PTGER3: variants seen among roughly 807,000 people sequenced by gnomAD.
PTGER3 encodes prostaglandin E receptor 3.
PTGER3 carries 22 observed loss-of-function variants against 34.7 expected under a neutral mutation model. That is an observed-to-expected ratio of 0.63 (90% CI 0.45 to 0.91). The LOEUF (loss-of-function observed/expected upper bound fraction) is 0.91, where lower values mean the gene tolerates loss of function less well. Ranked by LOEUF, PTGER3 falls within the 40% of genes least tolerant of loss-of-function variation. The pLI, the probability that PTGER3 is intolerant of heterozygous loss-of-function variation, is 0.00. For synonymous variants in PTGER3, 241 were observed against 230.1 expected (o/e 1.05, Z -0.43); for missense variants, 468 against 519.4 (o/e 0.90, Z 0.96).
At chr1:70,875,245 T>G (rs1305577591) in intron 4 of PTGER3, among the ~76,000 whole-genome samples, 1 of 152,192 alleles carries the variant, frequency 6.6e-6, no homozygotes, top group Non-Finnish European at 1.5e-5. Context: ...CTGGTTAAGA[T>G]CTGAAGGGTG....
At chr1:70,857,691 C>A (rs1160244516) in intron 4 of PTGER3, among the ~76,000 whole-genome samples, 2 of 152,010 alleles carry the variant, frequency 1.3e-5, no homozygotes, top group Non-Finnish European at 2.9e-5. Context: ...ACCGCCACCA[C>A]GCCCGGCTAA....
chr1:71,015,225 T>TA (rs1323270605), intron 1 of PTGER3, among the ~76,000 whole-genome samples: 1 of 152,066 alleles, frequency 6.6e-6, no homozygotes, highest in Non-Finnish European at 1.5e-5. Flanking sequence ...GTGTGTGTGA[T>TA]ATAACCACAT....
Position 71,047,690 on chromosome 1 carries a change from C to A in PTGER3, c.-113G>T, listed in dbSNP as rs1252077600. On this transcript the variant is annotated 5_prime_UTR_variant, in exon 1 of 4. Coordinates refer to ENST00000306666, the MANE Select transcript of PTGER3 (RefSeq NM_198719.2). ...TTTACCGCGGCTGGGGCTGGGCTGC[C>A]CCCCATGGTGCGGGGCGCAGCCGCC... 4.7e-6 allele frequency: 6 copies of A among 1,279,518 alleles called. No homozygotes were observed. Among genetic ancestry groups the A allele is most frequent in the Non-Finnish European group, 6.2e-6 (6 of 961,400 alleles). 79.3% of individuals were successfully genotyped at this position (1,279,518 alleles called of 1,614,324 possible).
At chr1:70,931,655 G>A (rs1333394297) in intron 4 of PTGER3, among the ~76,000 whole-genome samples, 1 of 152,192 alleles carries the variant, frequency 6.6e-6, no homozygotes, top group African/African-American at 2.4e-5. Context: ...TGAAACCATG[G>A]GCCAAGCTGT....
intron 4 of PTGER3, among the ~76,000 whole-genome samples, chr1:70,856,642 G>A (rs901020149): frequency 6.6e-6 from 1 of 152,036 alleles, no homozygotes; most frequent in Non-Finnish European, 1.5e-5. Context: ...GTTAGAAGGT[G>A]TTTCAGAATG....
At chr1:70,892,832 C>T (rs1156527804) in intron 4 of PTGER3, among the ~76,000 whole-genome samples, 3 of 128,430 alleles carry the variant, frequency 2.3e-5, no homozygotes, top group Non-Finnish European at 3.1e-5. Context: ...CAGAGCAAGA[C>T]TCCTCAAAAA....
intron 1 of PTGER3, among the ~76,000 whole-genome samples, chr1:71,024,645 CTTTTT>C (rs35271200): frequency 2.6e-5 from 3 of 117,164 alleles, no homozygotes; most frequent in Admixed American, 9.3e-5. Flanking sequence ...CCTTTTCTTT[CTTTTT>C]TTTTTTTTTT....
chr1:71,031,438 G>C (rs1273865540), intron 1 of PTGER3, among the ~76,000 whole-genome samples: 1 of 152,080 alleles, frequency 6.6e-6, no homozygotes, highest in East Asian at 1.9e-4. Flanking sequence ...TTCTGGGTGG[G>C]AGAGAAATCC....
downstream of PTGER3, among the ~76,000 whole-genome samples, chr1:70,966,787 T>C (rs768728842): frequency 7.3e-4 from 111 of 152,292 alleles, 1 homozygote; most frequent in Non-Finnish European, 8.8e-4. Flanking sequence ...TCTCATTCCC[T>C]TTTATGACTG....
intron 4 of PTGER3, among the ~76,000 whole-genome samples, chr1:70,859,686 G>T (rs111531916): frequency 6.6e-6 from 1 of 152,286 alleles, no homozygotes; most frequent in African/African-American, 2.4e-5. Context: ...ATTCTTACAC[G>T]ACTGCCAATT....
chr1:70,882,503 G>C (rs1646411398), intron 4 of PTGER3, among the ~76,000 whole-genome samples: 1 of 152,202 alleles, frequency 6.6e-6, no homozygotes, highest in Non-Finnish European at 1.5e-5. Context: ...AATGAGGATA[G>C]ATCAATCTTA....
downstream of PTGER3, among the ~76,000 whole-genome samples, chr1:70,970,546 G>A (rs1270673858): frequency 6.6e-6 from 1 of 152,122 alleles, no homozygotes; most frequent in Non-Finnish European, 1.5e-5. Flanking sequence ...TGATCCTACA[G>A]CAAAACTTCT....
At chr1:71,032,612 A>G (rs1659505114) in intron 1 of PTGER3, among the ~76,000 whole-genome samples, 1 of 152,212 alleles carries the variant, frequency 6.6e-6, no homozygotes, top group African/African-American at 2.4e-5. Flanking sequence ...ATTCTGATAC[A>G]TAGCAAGAAG....
chr1:70,971,011 A>G lies in PTGER3; in HGVS notation c.*719T>C, dbSNP rs1465245331. The stretch of plus-strand genomic sequence containing the variant: ...CTGCGCAGCTAATCATTCAACCTCA[A>G]ATTTGTTTTTTATGACACTCCAAGG... On this transcript the variant is annotated 3_prime_UTR_variant, in exon 4 of 4. Coordinates refer to ENST00000306666, the MANE Select transcript of PTGER3 (RefSeq NM_198719.2). 6 of 985,162 alleles carry G rather than the reference A, an allele frequency of 6.1e-6. No individual in the cohort carries two copies. The Admixed American group carries it at 1.8e-4, about 30-fold the overall frequency. 61.0% of individuals were successfully genotyped at this position (985,162 alleles called of 1,614,324 possible).
chr1:70,921,365 G>A (rs761995285), intron 4 of PTGER3, among the ~76,000 whole-genome samples: 2 of 152,086 alleles, frequency 1.3e-5, no homozygotes, highest in African/African-American at 2.4e-5. Context: ...TCCCCATCTT[G>A]CCTCAGGCAA....
At chr1:71,033,474 T>A (rs1659574306) in intron 1 of PTGER3, among the ~76,000 whole-genome samples, 1 of 152,198 alleles carries the variant, frequency 6.6e-6, no homozygotes, top group Non-Finnish European at 1.5e-5. Flanking sequence ...TTTATCACAA[T>A]CACTAGACTT....
At chr1:70,857,731 T>A (rs564225331) in intron 4 of PTGER3, among the ~76,000 whole-genome samples, 9 of 152,264 alleles carry the variant, frequency 5.9e-5, no homozygotes, top group South Asian at 2.1e-4. Context: ...AGACGGGGTT[T>A]CACTGTGTTA....
chr1:70,953,199 C>CT, intron 3 of PTGER3: 2 of 721,704 alleles, frequency 2.8e-6, no homozygotes, highest in Non-Finnish European at 4.0e-6. Flanking sequence ...TATAAATAAT[C>CT]CAGAGATTAT....
intron 2 of PTGER3, among the ~76,000 whole-genome samples, chr1:70,981,933 C>T (rs1489109719): frequency 6.6e-6 from 1 of 152,092 alleles, no homozygotes; most frequent in Non-Finnish European, 1.5e-5. Context: ...TATCCTCACT[C>T]AGAATGGGCT....
Sources: gnomAD v4.1 joint callset for allele counts (sites outside exome capture counted in the v4.1 genomes callset) on GRCh38, gnomAD v4.1.1 for gene constraint, MANE v1.5 for transcripts, NCBI Gene and HGNC (gene_info 2026-07-23, HGNC 2026-07-21) for gene names.